The following CNTN5 variants were observed in gnomAD, a reference collection of about 807,000 sequenced individuals.
CNTN5 encodes the protein contactin 5.
Under a neutral mutation model 129.1 loss-of-function variants are expected in CNTN5, and 77 were observed. The observed-to-expected ratio is 0.60, with a 90% CI of 0.50 to 0.72. The LOEUF is 0.72. Among genes scored for constraint, CNTN5 ranks in the 30% least tolerant of loss-of-function variants. The pLI, the probability that CNTN5 is intolerant of heterozygous loss-of-function variation, is 0.00. For missense variants in CNTN5, 1,478 were observed against 1,328.8 expected (o/e 1.11, Z -1.75); for synonymous variants, 509 against 465.6 (o/e 1.09, Z -1.20).
At chr11:99,565,459 T>C (rs1948972495) in intron 3 of CNTN5, among the ~76,000 whole-genome samples, 2 of 152,202 alleles carry the variant, frequency 1.3e-5, no homozygotes, top group South Asian at 4.1e-4. Flanking sequence ...AGACTTTATA[T>C]ACATAATAAG....
intron 1 of CNTN5, among the ~76,000 whole-genome samples, chr11:99,108,561 T>C (rs1857629609): frequency 6.6e-6 from 1 of 152,180 alleles, no homozygotes; most frequent in Admixed American, 6.5e-5. Context: ...TTTAGTTTTA[T>C]AAACATCATA....
At chr11:99,668,252 A>G (rs1282071584) in intron 3 of CNTN5, among the ~76,000 whole-genome samples, 1 of 152,166 alleles carries the variant, frequency 6.6e-6, no homozygotes, top group Non-Finnish European at 1.5e-5. Context: ...GTACCAAGGT[A>G]GCTGTGCAAG....
intron 2 of CNTN5, among the ~76,000 whole-genome samples, chr11:99,372,946 C>T (rs947385713): frequency 2.0e-5 from 3 of 152,348 alleles, no homozygotes; most frequent in Non-Finnish European, 4.4e-5. Context: ...CAGTGGCTCA[C>T]GCCTATAATC....
At chr11:99,782,275 G>A (rs1945339150) in intron 3 of CNTN5, among the ~76,000 whole-genome samples, 1 of 146,576 alleles carries the variant, frequency 6.8e-6, no homozygotes, top group Non-Finnish European at 1.5e-5. Context: ...TACAAGGGAT[G>A]TGAAGGACCT....
intron 1 of CNTN5, among the ~76,000 whole-genome samples, chr11:99,183,720 C>T (rs530909911): frequency 1.8e-4 from 27 of 152,046 alleles, no homozygotes; most frequent in Non-Finnish European, 3.4e-4. Context: ...GTTTAATGGC[C>T]CACCAATATA....
chr11:99,053,793 C>T (rs995146346), intron 1 of CNTN5, among the ~76,000 whole-genome samples: 1 of 151,918 alleles, frequency 6.6e-6, no homozygotes, highest in Non-Finnish European at 1.5e-5. Context: ...GATTTGGGAG[C>T]ACCTAAGTGA....
At position 99,477,668 on chromosome 11, in the gene CNTN5, G is replaced by A. The variant is rs113982153; in HGVS notation, c.-70-78477G>A. 9.8e-3 allele frequency among the ~76,000 whole-genome samples: 1,491 copies of A among 151,906 alleles called. 25 individuals carry two copies. Among genetic ancestry groups the A allele is most frequent in the African/African-American group, 0.034 (1,393 of 41,460 alleles). On this transcript the variant is annotated intron_variant, in intron 2 of 24. Coordinates refer to ENST00000524871, the MANE Select transcript of CNTN5 (RefSeq NM_014361.4). ...TAATAACCCTTCAAGGAAGATCAGG[G>A]GCCGGGTGCAGTGGCTCACACCTGT...
chr11:99,637,043 T>G lies in CNTN5; in HGVS notation c.55+80774T>G, dbSNP rs1309592372. ...AAAAAAAAAAAAAAAAAAAAAAAAG[T>G]AAATGACTCTGTATTGCAGAATAGG... On this transcript the variant is annotated intron_variant, in intron 3 of 24. Transcript: ENST00000524871. Among the ~76,000 whole-genome samples the G allele has an allele frequency of 2.0e-4, 19 of 95,816 alleles. 1 individual carries two copies. Among genetic ancestry groups the G allele is most frequent in the Non-Finnish European group, 4.1e-5 (2 of 48,734 alleles). The allele number at this position is 95,816 out of a possible 152,430, so 62.9% of individuals were successfully genotyped here.
chr11:99,970,207 T>C (rs1252034718), intron 8 of CNTN5, among the ~76,000 whole-genome samples: 1 of 152,148 alleles, frequency 6.6e-6, no homozygotes, highest in Non-Finnish European at 1.5e-5. Context: ...TTGAACTCCT[T>C]CTTTCTGTAG....
intron 8 of CNTN5, among the ~76,000 whole-genome samples, chr11:99,958,591 T>C (rs981833478): frequency 6.6e-6 from 1 of 152,168 alleles, no homozygotes; most frequent in African/African-American, 2.4e-5. Flanking sequence ...GTGTATTACA[T>C]CACCATAGAA....
In CNTN5 at chr11:99,951,281, A is replaced by C. The variant is rs78782310; in HGVS notation, c.674-5525A>C. 4.6e-5 allele frequency among the ~76,000 whole-genome samples: 7 copies of C among 151,504 alleles called. No individual in the cohort carries two copies. The East Asian group carries it at 7.7e-4, about 17-fold the overall frequency. Reference sequence around the variant, plus strand: ...GGAAGAACTAGGTAAAAAAAAAAAAACATGAAAAGTATGTGACTCACGGTA... The same window carrying C: ...GGAAGAACTAGGTAAAAAAAAAAAACCATGAAAAGTATGTGACTCACGGTA... On this transcript the variant is annotated intron_variant, in intron 7 of 24. Coordinates refer to ENST00000524871, the MANE Select transcript of CNTN5 (RefSeq NM_014361.4).
At chr11:99,409,626 A>C (rs1314053960) in intron 2 of CNTN5, among the ~76,000 whole-genome samples, 1 of 152,226 alleles carries the variant, frequency 6.6e-6, no homozygotes, top group East Asian at 1.9e-4. Flanking sequence ...ATGATGAAGA[A>C]ACAAAGGCTT....
intron 2 of CNTN5, among the ~76,000 whole-genome samples, chr11:99,526,631 T>C (rs1354254106): frequency 6.6e-6 from 1 of 152,180 alleles, no homozygotes; most frequent in African/African-American, 2.4e-5. Flanking sequence ...TTCTTTGAGG[T>C]GTAATGATAT....
At chr11:99,521,355 GA>G (rs1947268434) in intron 2 of CNTN5, among the ~76,000 whole-genome samples, 1 of 152,050 alleles carries the variant, frequency 6.6e-6, no homozygotes, top group African/African-American at 2.4e-5. Flanking sequence ...GTGTAAAATA[GA>G]GGCATTACCT....
At chr11:99,781,535 G>A (rs1260125433) in intron 3 of CNTN5, among the ~76,000 whole-genome samples, 4 of 151,710 alleles carry the variant, frequency 2.6e-5, no homozygotes, top group African/African-American at 9.7e-5. Flanking sequence ...TTTTTGCATT[G>A]CCTTGTATTT....
chr11:99,598,853 C>T (rs567848387), intron 3 of CNTN5, among the ~76,000 whole-genome samples: 5 of 151,956 alleles, frequency 3.3e-5, no homozygotes, highest in Admixed American at 6.6e-5. Context: ...ACCATTTTTC[C>T]TGACAAGCAA....
chr11:99,032,601 T>G (rs1026818520), intron 1 of CNTN5, among the ~76,000 whole-genome samples: 7 of 152,160 alleles, frequency 4.6e-5, no homozygotes, highest in Non-Finnish European at 1.0e-4. Context: ...TTCACCCACT[T>G]TTTGATGGGG....
chr11:99,727,886 T>G lies in CNTN5; in HGVS notation c.56-91658T>G, dbSNP rs577024992. Reference sequence around the variant, plus strand: ...TTATTAACTTATTTAATCTGCACAATTATCCATCACTGTCTCTATTTTACA... The same window carrying G: ...TTATTAACTTATTTAATCTGCACAAGTATCCATCACTGTCTCTATTTTACA... On this transcript the variant is annotated intron_variant, in intron 3 of 24. Coordinates refer to ENST00000524871, the MANE Select transcript of CNTN5 (RefSeq NM_014361.4). Among the ~76,000 whole-genome samples, 7 of 147,130 alleles carry G rather than the reference T, an allele frequency of 4.8e-5. No homozygotes were observed. The Admixed American group carries it at 4.8e-4, about 10-fold the overall frequency.
intron 2 of CNTN5, among the ~76,000 whole-genome samples, chr11:99,454,873 T>C (rs1037297888): frequency 6.6e-6 from 1 of 152,146 alleles, no homozygotes; most frequent in African/African-American, 2.4e-5. Context: ...ATCTGTGCTC[T>C]GATAGGAAAT....
Sources: allele counts gnomAD v4.1 joint callset (sites outside exome capture counted in the v4.1 genomes callset), GRCh38; gene constraint gnomAD v4.1.1; transcripts MANE v1.5; gene names NCBI Gene and HGNC (gene_info 2026-07-23, HGNC 2026-07-21).